Variants in NCOR1 observed in about 807,000 individuals in gnomAD.
NCOR1 encodes nuclear receptor corepressor 1.
NCOR1 carries 63 observed loss-of-function variants against 288.1 expected under a neutral mutation model. The observed-to-expected ratio is 0.22, with a 90% CI of 0.18 to 0.27. The LOEUF (loss-of-function observed/expected upper bound fraction) is 0.27, where lower values mean the gene tolerates loss of function less well. Among genes scored for constraint, NCOR1 ranks in the 10% least tolerant of loss-of-function variants. The pLI is 1.00. For synonymous variants in NCOR1, 1,007 were observed against 1,065.9 expected (o/e 0.94, Z 1.08); for missense variants, 2,397 against 3,019.2 (o/e 0.79, Z 4.83).
chr17:16,179,485 C>G (rs1476758072), intron 3 of NCOR1, among the ~76,000 whole-genome samples: 1 of 152,086 alleles, frequency 6.6e-6, no homozygotes, highest in Non-Finnish European at 1.5e-5. Flanking sequence ...AAAAACTTCT[C>G]AACAAAGAAA....
chr17:16,159,764 G>A (rs1328639637), intron 5 of NCOR1, among the ~76,000 whole-genome samples: 3 of 151,832 alleles, frequency 2.0e-5, no homozygotes, highest in Admixed American at 6.6e-5. Flanking sequence ...CTGTATTACC[G>A]TGCCTGGGTT....
intron 2 of NCOR1, 106 bp downstream of exon 2, chr17:16,194,351 TAAAAA>T: frequency 1.9e-6 from 1 of 516,296 alleles, no homozygotes. Context: ...TCTTGCAACT[TAAAAA>T]AAAAAAAGAT....
In NCOR1 at chr17:16,181,211, A is replaced by ATGTGTGTGTGTGTGTGTGTGTG. The variant is rs61215793; in HGVS notation, c.242+5321_242+5342dup. Among the ~76,000 whole-genome samples the ATGTGTGTGTGTGTGTGTGTGTG allele has an allele frequency of 5.7e-5, 8 of 139,580 alleles. No individual in the cohort carries two copies. In the South Asian group the frequency reaches 9.7e-4, roughly 17 times the overall value. The allele number at this position is 139,580 out of a possible 152,430, so 91.6% of individuals were successfully genotyped here. On this transcript the variant is annotated intron_variant, in intron 3 of 45. Coordinates refer to ENST00000268712, the MANE Select transcript of NCOR1 (RefSeq NM_006311.4). ...TGTGTGTGTGTATACATATATATGT[A>ATGTGTGTGTGTGTGTGTGTGTG]TGTGTGTGTGTGTGTGTGTGTGTGT...
In NCOR1 at chr17:16,194,656, A is replaced by G; in HGVS notation, c.-70-17T>C. The G allele has an allele frequency of 2.6e-6, 2 of 759,626 alleles. No individual in the cohort carries two copies. Among genetic ancestry groups the G allele is most frequent in the East Asian group, 5.5e-5 (2 of 36,634 alleles). 47.1% of individuals were successfully genotyped at this position (759,626 alleles called of 1,614,324 possible). On this transcript the variant is annotated splice_polypyrimidine_tract_variant and intron_variant, in intron 1 of 45. Transcript: ENST00000268712. ...GGAAACCACCTAAACAGGATGAGAA[A>G]AAAACAGAATTAGTAAGAACTAAAA... is the stretch of plus-strand genomic sequence containing the variant.
chr17:16,211,057 G>A (rs572201411), intron 1 of NCOR1, among the ~76,000 whole-genome samples: 2 of 151,858 alleles, frequency 1.3e-5, no homozygotes, highest in Non-Finnish European at 2.9e-5. Flanking sequence ...TCATCAAATC[G>A]ATTCATCCCA....
intron 8 of NCOR1, among the ~76,000 whole-genome samples, chr17:16,151,371 C>T (rs2078844284): frequency 6.6e-6 from 1 of 152,104 alleles, no homozygotes; most frequent in African/African-American, 2.4e-5. Flanking sequence ...GCCTCGTCAC[C>T]CACAAGGTGA....
At chr17:16,104,699 A>C (rs970829369) in intron 19 of NCOR1, among the ~76,000 whole-genome samples, 2 of 152,208 alleles carry the variant, frequency 1.3e-5, no homozygotes, top group Non-Finnish European at 2.9e-5. Flanking sequence ...TGAGCCCAAG[A>C]GGTCAAGGCT....
intron 4 of NCOR1, among the ~76,000 whole-genome samples, chr17:16,165,820 A>C (rs2081911082): frequency 6.6e-6 from 1 of 152,022 alleles, no homozygotes; most frequent in South Asian, 2.1e-4. Context: ...AAAATCCACT[A>C]CCCTCCAACA....
chr17:16,061,924 G>A (rs770200217), intron 36 of NCOR1, 30 bp from the exon 37 acceptor site: 1 of 1,579,464 alleles, frequency 6.3e-7, no homozygotes, highest in Non-Finnish European at 8.6e-7. Flanking sequence ...ACAGCTCTGT[G>A]AAGGGAAGAC....
At chr17:16,092,889 C>T (rs1475870629) in intron 21 of NCOR1, among the ~76,000 whole-genome samples, 4 of 149,228 alleles carry the variant, frequency 2.7e-5, no homozygotes, top group African/African-American at 4.9e-5. Context: ...TTTTTAGTAG[C>T]GAAGGGGTTT....
At chr17:16,145,131 C>T (rs2077697050) in intron 10 of NCOR1, among the ~76,000 whole-genome samples, 1 of 152,260 alleles carries the variant, frequency 6.6e-6, no homozygotes, top group Non-Finnish European at 1.5e-5. Context: ...CAGCTCCTGA[C>T]CGCGAGTGAT....
At chr17:16,069,080 A>G (rs745461867) in intron 31 of NCOR1, among the ~76,000 whole-genome samples, 6 of 152,120 alleles carry the variant, frequency 3.9e-5, no homozygotes, top group Admixed American at 1.3e-4. Context: ...TAGCCATTTT[A>G]AAGGGTACAA....
chr17:16,090,921 T>G (rs1290512652), intron 22 of NCOR1, among the ~76,000 whole-genome samples: 1 of 152,214 alleles, frequency 6.6e-6, no homozygotes, highest in Non-Finnish European at 1.5e-5. Context: ...AAGAATCTTC[T>G]GAATCATTCA....
At chr17:16,196,528 T>C (rs1568620261) in intron 1 of NCOR1, among the ~76,000 whole-genome samples, 4 of 152,092 alleles carry the variant, frequency 2.6e-5, no homozygotes, top group Admixed American at 2.0e-4. Flanking sequence ...ATAATAATAA[T>C]AACAATTAGT....
At chr17:16,205,340 T>C (rs943987621) in intron 1 of NCOR1, among the ~76,000 whole-genome samples, 10 of 152,240 alleles carry the variant, frequency 6.6e-5, no homozygotes, top group Non-Finnish European at 1.5e-5. Context: ...AAAAGACACA[T>C]GGCCGGGCTC....
At chr17:16,062,405 G>T in intron 35 of NCOR1, 135 bp from the exon 36 acceptor site, 1 of 937,640 alleles carries the variant, frequency 1.1e-6, no homozygotes, top group Non-Finnish European at 1.5e-6. Flanking sequence ...AAACTTGATA[G>T]TCTACTTTCT....
At chr17:16,201,170 A>C (rs1205039009) in intron 1 of NCOR1, among the ~76,000 whole-genome samples, 1 of 152,234 alleles carries the variant, frequency 6.6e-6, no homozygotes, top group Non-Finnish European at 1.5e-5. Context: ...ATCTTACTTA[A>C]AGACAGAGAA....
rs896528114 is a variant in NCOR1 at position 16,171,948 on chromosome 17, G to A, written c.290C>T (p.Ser97Phe). 2 of 1,606,966 alleles carry A rather than the reference G, an allele frequency of 1.2e-6. No homozygotes were observed. Among genetic ancestry groups the A allele is most frequent in the Non-Finnish European group, 1.7e-6 (2 of 1,177,128 alleles). Reference sequence around the variant, plus strand: ...TTCCAGTGAATCATGATCCACTGGGGATGGGCCTGGATGAAACGGTTCATA... The same window carrying A: ...TTCCAGTGAATCATGATCCACTGGGAATGGGCCTGGATGAAACGGTTCATA... ...TSYEPFHPGP[S>F]PVDHDSLESK... is the part of the protein sequence containing the mutation. The change falls in exon 4 of 46, where the codon TCC becomes TTC. Residue 97 changes from serine (S) to phenylalanine (F), a missense_variant. Around this residue, in one of 11 missense-constraint regions of NCOR1, gnomAD observed 110 missense variants for 123.2 expected, o/e 0.89. Coordinates refer to ENST00000268712, the MANE Select transcript of NCOR1 (RefSeq NM_006311.4).
At chr17:16,181,196 T>TATAC (rs1243208021) in intron 3 of NCOR1, among the ~76,000 whole-genome samples, 2 of 129,266 alleles carry the variant, frequency 1.5e-5, no homozygotes, top group East Asian at 2.2e-4. Context: ...TGTGTGTGTG[T>TATAC]ATACATATAT....
Sources: allele counts gnomAD v4.1 joint callset (sites outside exome capture counted in the v4.1 genomes callset), GRCh38; gene constraint gnomAD v4.1.1; regional missense constraint gnomAD v4.1.1; transcripts MANE v1.5; gene names NCBI Gene and HGNC (gene_info 2026-07-23, HGNC 2026-07-21).